Variants in STAU2 observed in about 807,000 individuals in gnomAD.
STAU2 encodes staufen double-stranded RNA binding protein 2.
Under a neutral mutation model 65.9 loss-of-function variants are expected in STAU2, and 20 were observed. That is an observed-to-expected ratio of 0.30 (90% CI 0.21 to 0.44). STAU2 has a LOEUF of 0.44. STAU2 is among the 20% of genes least tolerant of loss of function. The pLI, the probability that STAU2 is intolerant of heterozygous loss-of-function variation, is 1.00. For missense variants in STAU2, 558 were observed against 683.9 expected, an observed-to-expected ratio of 0.82 and a Z score of 2.05; for synonymous variants, 232 against 233.9, an observed-to-expected ratio of 0.99 and a Z score of 0.07.
At chr8:73,687,428 T>TATATATTTATAATATATAA (rs1713419016) in intron 5 of STAU2, among the ~76,000 whole-genome samples, 1 of 133,468 alleles carries the variant, frequency 7.5e-6, no homozygotes, top group African/African-American at 2.9e-5. Flanking sequence ...TAAATATAAA[T>TATATATTTATAATATATAA]ATATATTTAT....
intron 13 of STAU2, among the ~76,000 whole-genome samples, chr8:73,469,748 A>G (rs1446436992): frequency 1.3e-5 from 2 of 152,202 alleles, no homozygotes; most frequent in Admixed American, 1.3e-4. Context: ...CTCACAAAAA[A>G]ATATCCAGAC....
At chr8:73,542,927 G>C (rs1156801494) in intron 13 of STAU2, among the ~76,000 whole-genome samples, 1 of 152,006 alleles carries the variant, frequency 6.6e-6, no homozygotes, top group African/African-American at 2.4e-5. Context: ...TTCACTCTAA[G>C]GTATTTTCCC....
chr8:73,661,259 G>T (rs1475712645), intron 6 of STAU2, among the ~76,000 whole-genome samples: 2 of 152,144 alleles, frequency 1.3e-5, no homozygotes, highest in Non-Finnish European at 1.5e-5. Flanking sequence ...AAAGGCAGAA[G>T]CTAAGCAACT....
chr8:73,715,729 A>C (rs1211173011), intron 3 of STAU2, among the ~76,000 whole-genome samples: 1 of 152,212 alleles, frequency 6.6e-6, no homozygotes, highest in East Asian at 1.9e-4. Flanking sequence ...TAATCTGGAA[A>C]ACAAGACTAT....
chr8:73,526,088 T>A (rs909761692), intron 13 of STAU2, among the ~76,000 whole-genome samples: 1 of 152,198 alleles, frequency 6.6e-6, no homozygotes, highest in Non-Finnish European at 1.5e-5. Flanking sequence ...CTGCTTTCCA[T>A]ATTAATATGC....
chr8:73,530,506 T>C (rs1805743577), intron 13 of STAU2, among the ~76,000 whole-genome samples: 1 of 152,076 alleles, frequency 6.6e-6, no homozygotes, highest in Non-Finnish European at 1.5e-5. Context: ...AGTGGGTAGC[T>C]CTAAGAGAAT....
rs1807324354 is a variant in STAU2, at chr8:73,746,817, C to A, written c.-231G>T. 1.6e-6 allele frequency: 2 copies of A among 1,231,374 alleles called. No homozygotes were observed. Among genetic ancestry groups the A allele is most frequent in the Admixed American group, 4.2e-5 (1 of 23,612 alleles). 76.3% of individuals were successfully genotyped at this position (1,231,374 alleles called of 1,614,324 possible). A position where few individuals can be genotyped will look rare whatever the true frequency, so the allele number is the denominator to read the frequency against. On this transcript the variant is annotated 5_prime_UTR_variant, in exon 1 of 15. It removes an upstream start codon present in the reference 5' UTR. Transcript: ENST00000524300. Reference sequence around the variant, plus strand: ...GGGGACACTTTGCAGACGGCTCCAACATTGGCAAACACTACAGAGAACTGA... The same window carrying A: ...GGGGACACTTTGCAGACGGCTCCAAAATTGGCAAACACTACAGAGAACTGA...
At chr8:73,697,059 T>G (rs117367175) in intron 4 of STAU2, among the ~76,000 whole-genome samples, 7 of 152,186 alleles carry the variant, frequency 4.6e-5, no homozygotes, top group Non-Finnish European at 1.0e-4. Context: ...TTTGTTTTGT[T>G]TTGTTTTGTT....
chr8:73,674,603 T>G (rs572043020), intron 5 of STAU2, among the ~76,000 whole-genome samples: 5 of 151,762 alleles, frequency 3.3e-5, no homozygotes, highest in African/African-American at 1.2e-4. Flanking sequence ...TCTAAAGATT[T>G]TTTTAAACCC....
chr8:73,612,630 G>A (rs1468387553), intron 9 of STAU2, among the ~76,000 whole-genome samples: 4 of 152,080 alleles, frequency 2.6e-5, no homozygotes, highest in African/African-American at 9.7e-5. Flanking sequence ...AGTCATGTCA[G>A]TATTCATTAA....
At chr8:73,644,678 T>C (rs1045024613) in intron 6 of STAU2, among the ~76,000 whole-genome samples, 1 of 151,844 alleles carries the variant, frequency 6.6e-6, no homozygotes, top group East Asian at 1.9e-4. Flanking sequence ...TTGAAAAGGA[T>C]AATAAAACTG....
rs1554594408 is a variant in STAU2 at position 73,471,817 on chromosome 8, T to TTAAAAA, written c.1531-49116_1531-49115insTTTTTA. ...TGGGCAACAAGGGCGAGACTCCAAC[T>TTAAAAA]AAAAAAAAAAAAAAAAAAAAGAGAG... On this transcript the variant is annotated intron_variant, in intron 13 of 14. Transcript: ENST00000524300. 4.3e-4 allele frequency among the ~76,000 whole-genome samples: 37 copies of TTAAAAA among 86,814 alleles called. 1 individual carries two copies. Among genetic ancestry groups the TTAAAAA allele is most frequent in the African/African-American group, 1.6e-3 (35 of 21,462 alleles). The allele number at this position is 86,814 out of a possible 152,430, so 57.0% of individuals were successfully genotyped here. A position where few individuals can be genotyped will look rare whatever the true frequency, so the allele number is the denominator to read the frequency against.
intron 5 of STAU2, among the ~76,000 whole-genome samples, chr8:73,685,562 G>A (rs1232711668): frequency 1.3e-5 from 2 of 151,922 alleles, no homozygotes; most frequent in Non-Finnish European, 2.9e-5. Flanking sequence ...ATTTTTAGTA[G>A]AGACAGGGTT....
chr8:73,431,100 G>A lies in STAU2; in HGVS notation c.1531-8398C>T, dbSNP rs1479093893. 2.0e-5 allele frequency among the ~76,000 whole-genome samples: 3 copies of A among 152,222 alleles called. No homozygotes were observed. The East Asian group carries it at 5.8e-4, about 29-fold the overall frequency. ...TTCCTTAATGAGGAACATCCTGAAT[G>A]ATGCTTAAATCCAAGCTGTGTAACT... On this transcript the variant is annotated intron_variant, in intron 13 of 14. Transcript: ENST00000524300.
At chr8:73,645,632 C>T (rs1344430198) in intron 6 of STAU2, among the ~76,000 whole-genome samples, 1 of 152,098 alleles carries the variant, frequency 6.6e-6, no homozygotes, top group Non-Finnish European at 1.5e-5. Context: ...TCTCACATTG[C>T]TATAAAGAAA....
chr8:73,637,873 C>T (rs1169690702), intron 6 of STAU2, among the ~76,000 whole-genome samples: 1 of 151,762 alleles, frequency 6.6e-6, no homozygotes, highest in Non-Finnish European at 1.5e-5. Context: ...AAATGTAATA[C>T]AAATGACATC....
chr8:73,648,006 T>C (rs1158764358), intron 6 of STAU2, among the ~76,000 whole-genome samples: 1 of 152,232 alleles, frequency 6.6e-6, no homozygotes, highest in East Asian at 1.9e-4. Flanking sequence ...TACAAGTCTG[T>C]AAAATGTAAC....
In STAU2 at chr8:73,421,478, T is replaced by C. The variant is rs1386092200; in HGVS notation, c.1620-13A>G. On this transcript the variant is annotated splice_polypyrimidine_tract_variant and intron_variant, in intron 14 of 14. Transcript: ENST00000524300. Reference sequence around the variant, plus strand: ...ATGCTTGGCTTGTCTGAAAGATTAATACATTAACAAGAGCTGAAGGCCTGG... The same window carrying C: ...ATGCTTGGCTTGTCTGAAAGATTAACACATTAACAAGAGCTGAAGGCCTGG... 3 of 1,537,200 alleles carry C rather than the reference T, an allele frequency of 2.0e-6. No individual in the cohort carries two copies. Among genetic ancestry groups the C allele is most frequent in the Non-Finnish European group, 2.6e-6 (3 of 1,146,856 alleles).
chr8:73,641,215 G>A (rs1462942632), intron 6 of STAU2, among the ~76,000 whole-genome samples: 2 of 152,056 alleles, frequency 1.3e-5, no homozygotes. Context: ...AGGCATAGTG[G>A]CCCTTGGACC....
Sources: allele counts gnomAD v4.1 joint callset (sites outside exome capture counted in the v4.1 genomes callset), GRCh38; gene constraint gnomAD v4.1.1; transcripts MANE v1.5; gene names NCBI Gene and HGNC (gene_info 2026-07-23, HGNC 2026-07-21).